Variants in MYO3B observed in about 807,000 individuals in gnomAD.
MYO3B encodes the protein myosin-IIIb.
MYO3B carries 156 observed loss-of-function variants against 174.6 expected under a neutral mutation model. That is an observed-to-expected ratio of 0.89 (90% CI 0.78 to 1.02). The LOEUF (loss-of-function observed/expected upper bound fraction) is 1.02. Ranked by LOEUF, MYO3B falls within the 50% of genes least tolerant of loss-of-function variation. MYO3B has a pLI of 0.00. For missense variants in MYO3B, 1,632 were observed against 1,639.4 expected (o/e 1.00, Z 0.08); for synonymous variants, 563 against 569.1 (o/e 0.99, Z 0.15).
At chr2:170,553,574 A>G (rs1477938227) in intron 32 of MYO3B, among the ~76,000 whole-genome samples, 1 of 59,678 alleles carries the variant, frequency 1.7e-5, no homozygotes, top group Non-Finnish European at 3.5e-5. Context: ...TTACAGGCTT[A>G]TAGGTGGAAG....
chr2:170,203,913 C>T (rs1221941931), intron 3 of MYO3B, among the ~76,000 whole-genome samples: 2 of 152,090 alleles, frequency 1.3e-5, no homozygotes, highest in Non-Finnish European at 2.9e-5. Flanking sequence ...CAAACATATA[C>T]TATATGTGTT....
intron 32 of MYO3B, among the ~76,000 whole-genome samples, chr2:170,577,369 A>G (rs747580929): frequency 6.6e-6 from 1 of 151,298 alleles, no homozygotes; most frequent in Non-Finnish European, 1.5e-5. Flanking sequence ...GGGCCTTATT[A>G]TACATCTGTT....
At chr2:170,577,332 T>C (rs1692846537) in intron 32 of MYO3B, among the ~76,000 whole-genome samples, 1 of 152,246 alleles carries the variant, frequency 6.6e-6, no homozygotes, top group African/African-American at 2.4e-5. Flanking sequence ...ACAAAATCTG[T>C]AGCTGGTTCA....
At chr2:170,400,989 G>C (rs1198002563) in intron 17 of MYO3B, among the ~76,000 whole-genome samples, 1 of 152,062 alleles carries the variant, frequency 6.6e-6, no homozygotes, top group Non-Finnish European at 1.5e-5. Context: ...GGCCCATTCT[G>C]AATCCACTAA....
At chr2:170,496,272 A>C (rs1686850645) in intron 25 of MYO3B, among the ~76,000 whole-genome samples, 1 of 152,392 alleles carries the variant, frequency 6.6e-6, no homozygotes, top group Admixed American at 6.5e-5. Context: ...AAGTTGAATG[A>C]GTCAAGTACT....
intron 32 of MYO3B, among the ~76,000 whole-genome samples, chr2:170,629,454 A>G (rs1356133392): frequency 2.6e-5 from 4 of 152,224 alleles, no homozygotes; most frequent in Admixed American, 1.3e-4. Context: ...AAATTATCAT[A>G]AAAGTACCAT....
intron 32 of MYO3B, among the ~76,000 whole-genome samples, chr2:170,563,158 AC>A (rs1553522717): frequency 1.3e-5 from 2 of 151,482 alleles, no homozygotes; most frequent in South Asian, 4.2e-4. Flanking sequence ...ACACACACAC[AC>A]CCCAAGAATC....
At chr2:170,575,891 G>A (rs1217066989) in intron 32 of MYO3B, among the ~76,000 whole-genome samples, 2 of 152,088 alleles carry the variant, frequency 1.3e-5, no homozygotes, top group East Asian at 1.9e-4. Context: ...TCTCCCATTC[G>A]TATTGCCTCC....
At chr2:170,301,508 C>A (rs762177025) in intron 7 of MYO3B, among the ~76,000 whole-genome samples, 12 of 152,134 alleles carry the variant, frequency 7.9e-5, no homozygotes, top group Non-Finnish European at 1.3e-4. Flanking sequence ...TAAAACATTT[C>A]TCTCCATTCA....
chr2:170,607,422 T>C (rs1324219777), intron 32 of MYO3B, among the ~76,000 whole-genome samples: 1 of 152,212 alleles, frequency 6.6e-6, no homozygotes, highest in African/African-American at 2.4e-5. Context: ...ATATAGCAGT[T>C]TTCATCTAGA....
At chr2:170,381,958 C>G (rs973516290) in intron 9 of MYO3B, 58 bp from the exon 10 acceptor site, 1 of 1,430,660 alleles carries the variant, frequency 7.0e-7, no homozygotes, top group Non-Finnish European at 9.8e-7. Flanking sequence ...GCTTGCTGCC[C>G]GCTTTCTGCT....
At chr2:170,593,743 C>G (rs1693967460) in intron 32 of MYO3B, among the ~76,000 whole-genome samples, 1 of 152,164 alleles carries the variant, frequency 6.6e-6, no homozygotes, top group Admixed American at 6.5e-5. Flanking sequence ...AATAAATGAG[C>G]TCTATACACT....
chr2:170,490,028 C>CTTTTTTTTTTTT (rs751661221), intron 25 of MYO3B, among the ~76,000 whole-genome samples: 1 of 145,890 alleles, frequency 6.9e-6, no homozygotes, highest in African/African-American at 2.6e-5. Context: ...AGTTTCTTTT[C>CTTTTTTTTTTTT]TTTCTTTTTT....
intron 32 of MYO3B, among the ~76,000 whole-genome samples, chr2:170,626,198 T>C (rs1425514024): frequency 6.6e-6 from 1 of 150,578 alleles, no homozygotes; most frequent in East Asian, 1.9e-4. Context: ...TAAGTCTCTT[T>C]GTAGGTCTCT....
intron 25 of MYO3B, among the ~76,000 whole-genome samples, chr2:170,494,193 C>G (rs1264263371): frequency 1.3e-5 from 2 of 152,202 alleles, no homozygotes; most frequent in Non-Finnish European, 2.9e-5. Flanking sequence ...CTCTAGTTGC[C>G]TGTTGCTTTT....
rs1239879132 is a variant in MYO3B, at chr2:170,454,335, C to T, written c.2731-9033C>T. Among the ~76,000 whole-genome samples, 4 of 152,124 alleles carry T rather than the reference C, an allele frequency of 2.6e-5. No individual in the cohort carries two copies. The East Asian group carries it at 7.7e-4, about 29-fold the overall frequency. On this transcript the variant is annotated intron_variant, in intron 23 of 34. Transcript: ENST00000408978. The stretch of plus-strand genomic sequence containing the variant: ...CTCCTAGAATACCCACCAAATCAGA[C>T]ACCGATAATGGGGCTACAGCTACAG...
At chr2:170,466,859 AT>A in intron 25 of MYO3B, 148 bp downstream of exon 25, 1 of 800,610 alleles carries the variant, frequency 1.2e-6, no homozygotes, top group Non-Finnish European at 1.9e-6. Flanking sequence ...TGAATGTTGC[AT>A]TTTTATTGTG....
chr2:170,636,354 A>G (rs1697472635), intron 32 of MYO3B, among the ~76,000 whole-genome samples: 3 of 151,784 alleles, frequency 2.0e-5, no homozygotes, highest in Admixed American at 2.0e-4. Flanking sequence ...GAAATAACAT[A>G]ACTGTTTGTG....
At chr2:170,278,759 C>T (rs189234328) in intron 7 of MYO3B, among the ~76,000 whole-genome samples, 1,767 of 149,154 alleles carry the variant, frequency 0.012, 21 homozygotes, top group Non-Finnish European at 0.015. Context: ...TTCCTTATCC[C>T]CCTAACCCCC....
Sources: allele counts gnomAD v4.1 joint callset (sites outside exome capture counted in the v4.1 genomes callset), GRCh38; gene constraint gnomAD v4.1.1; transcripts MANE v1.5; gene names NCBI Gene and HGNC (gene_info 2026-07-23, HGNC 2026-07-21).